Variants in ERBB4 observed in about 807,000 individuals in gnomAD.
ERBB4 encodes the protein erb-b2 receptor tyrosine kinase 4.
ERBB4 carries 42 observed loss-of-function variants against 158.0 expected under a neutral mutation model. The observed-to-expected ratio is 0.27, with a 90% confidence interval of 0.21 to 0.34. The LOEUF is 0.34. Among genes scored for constraint, ERBB4 ranks in the 10% least tolerant of loss-of-function variants. The pLI, the probability that ERBB4 is intolerant of heterozygous loss-of-function variation, is 1.00. For missense variants in ERBB4, 1,333 were observed against 1,624.1 expected (o/e 0.82, Z 3.08); for synonymous variants, 583 against 558.7 (o/e 1.04, Z -0.61).
intron 2 of ERBB4, among the ~76,000 whole-genome samples, chr2:212,115,542 G>A (rs1383694666): frequency 6.6e-6 from 1 of 152,020 alleles, no homozygotes; most frequent in Non-Finnish European, 1.5e-5. Flanking sequence ...TTTGAATAAA[G>A]GTCCTTGCTG....
Position 211,586,827 on chromosome 2 carries a change from T to G in ERBB4, c.2302-24739A>C, listed in dbSNP as rs1400650117. Reference sequence around the variant, plus strand: ...ACACTTCAGTCAGTCTCACCCAGATTGATAAGAAATATCATTTCAAGACTC... The same window carrying G: ...ACACTTCAGTCAGTCTCACCCAGATGGATAAGAAATATCATTTCAAGACTC... On this transcript the variant is annotated intron_variant, in intron 19 of 27. Transcript: ENST00000342788. Among the ~76,000 whole-genome samples, 84 of 152,208 alleles carry G rather than the reference T, an allele frequency of 5.5e-4. 1 individual carries two copies. The highest frequency in any genetic ancestry group is 1.0e-4 in the Non-Finnish European group (7 of 68,032).
At chr2:212,451,534 C>T (rs1560362327) in intron 1 of ERBB4, among the ~76,000 whole-genome samples, 1 of 152,092 alleles carries the variant, frequency 6.6e-6, no homozygotes, top group Admixed American at 6.6e-5. Flanking sequence ...CAGTAAGTTG[C>T]TGTGGATTAA....
At chr2:211,997,247 A>G (rs2082221567) in intron 2 of ERBB4, among the ~76,000 whole-genome samples, 1 of 152,122 alleles carries the variant, frequency 6.6e-6, no homozygotes, top group African/African-American at 2.4e-5. Flanking sequence ...AATTCATAGG[A>G]AGCATCAGGA....
At chr2:211,986,054 T>C (rs910813401) in intron 2 of ERBB4, among the ~76,000 whole-genome samples, 4 of 152,192 alleles carry the variant, frequency 2.6e-5, no homozygotes, top group African/African-American at 4.8e-5. Context: ...AAAACAGATC[T>C]GCAGAGACAA....
At chr2:211,602,982 A>G (rs907833916) in intron 19 of ERBB4, among the ~76,000 whole-genome samples, 21 of 152,096 alleles carry the variant, frequency 1.4e-4, no homozygotes, top group African/African-American at 4.1e-4. Flanking sequence ...TAATTCCAGC[A>G]CTTTGGGAGG....
At chr2:211,526,836 T>G (rs546183021) in intron 20 of ERBB4, among the ~76,000 whole-genome samples, 1 of 152,106 alleles carries the variant, frequency 6.6e-6, no homozygotes, top group African/African-American at 2.4e-5. Context: ...ATAGCAGAAC[T>G]AATCAAGCAG....
intron 2 of ERBB4, among the ~76,000 whole-genome samples, chr2:212,093,640 T>C (rs1032027323): frequency 6.6e-6 from 1 of 152,236 alleles, no homozygotes; most frequent in African/African-American, 2.4e-5. Context: ...TTATCCAACA[T>C]TGTCGTATTT....
chr2:211,629,555 T>A (rs2070015637), intron 17 of ERBB4, among the ~76,000 whole-genome samples: 2 of 152,106 alleles, frequency 1.3e-5, no homozygotes, highest in South Asian at 4.1e-4. Context: ...ACTTTAAAAT[T>A]CATATGGAAC....
At chr2:211,927,634 A>T (rs1305244984) in intron 3 of ERBB4, among the ~76,000 whole-genome samples, 2 of 152,314 alleles carry the variant, frequency 1.3e-5, no homozygotes, top group Non-Finnish European at 1.5e-5. Flanking sequence ...CATATGCTTT[A>T]AACTTTGGGA....
intron 1 of ERBB4, among the ~76,000 whole-genome samples, chr2:212,478,720 T>C (rs1246773161): frequency 3.9e-5 from 6 of 152,072 alleles, no homozygotes; most frequent in Non-Finnish European, 5.9e-5. Context: ...CCACTGTCTC[T>C]CTTATTAATA....
chr2:211,856,655 G>A (rs112814931), intron 3 of ERBB4, among the ~76,000 whole-genome samples: 2,288 of 152,192 alleles, frequency 0.015, 63 homozygotes, highest in African/African-American at 0.052. Context: ...CCAAAGTGCA[G>A]GGATTACAGG....
intron 1 of ERBB4, among the ~76,000 whole-genome samples, chr2:212,271,306 A>G (rs1250291549): frequency 6.6e-6 from 1 of 151,880 alleles, no homozygotes; most frequent in African/African-American, 2.4e-5. Context: ...TATTACTTCA[A>G]CGTCTTACCA....
At chr2:212,371,250 T>C (rs2090075078) in intron 1 of ERBB4, among the ~76,000 whole-genome samples, 1 of 152,194 alleles carries the variant, frequency 6.6e-6, no homozygotes, top group African/African-American at 2.4e-5. Flanking sequence ...CATAGTACTT[T>C]CATATTTAAG....
At chr2:212,244,546 G>A (rs1019880985) in intron 1 of ERBB4, among the ~76,000 whole-genome samples, 2 of 151,986 alleles carry the variant, frequency 1.3e-5, no homozygotes, top group Non-Finnish European at 2.9e-5. Flanking sequence ...TTATATTTTC[G>A]AGCACTTATA....
In ERBB4 at chr2:211,947,541, T is replaced by C. The variant is rs1351254871; in HGVS notation, c.310A>G (p.Ile104Val). 2 of 1,613,728 alleles carry C rather than the reference T, an allele frequency of 1.2e-6. No individual in the cohort carries two copies. Among genetic ancestry groups the C allele is most frequent in the African/African-American group, 1.3e-5 (1 of 74,910 alleles). Residue 104 changes from isoleucine (I) to valine (V), a missense_variant, in exon 3 of 28, where the codon ATT (isoleucine) becomes GTT (valine). Coordinates refer to ENST00000342788, the MANE Select transcript of ERBB4 (RefSeq NM_005235.3). ...TCATAAAGTTTTGTCCCACGAATAA[T>C]GCGTAAATTCTCCAGAGGCAGGTAA... ...FRYLPLENLR[I>V]IRGTKLYEDR... is the part of the protein sequence containing the mutation.
intron 1 of ERBB4, among the ~76,000 whole-genome samples, chr2:212,335,047 T>TA: frequency 6.6e-6 from 1 of 152,108 alleles, no homozygotes; most frequent in East Asian, 1.9e-4. Context: ...TACCAGTTTT[T>TA]ACCATTACAT....
At chr2:212,088,838 T>C (rs1521552) in intron 2 of ERBB4, among the ~76,000 whole-genome samples, 148,342 of 152,222 alleles carry the variant, frequency 0.97, 72,383 homozygotes, top group East Asian at 1. Context: ...ATTCATACAA[T>C]GGACATGTGT....
At chr2:212,022,211 G>A (rs916548764) in intron 2 of ERBB4, among the ~76,000 whole-genome samples, 21 of 151,982 alleles carry the variant, frequency 1.4e-4, no homozygotes, top group African/African-American at 4.6e-4. Context: ...TAAATCATTC[G>A]ATTATAAAGA....
In ERBB4 at chr2:212,174,865, T is replaced by G. The variant is rs142909040; in HGVS notation, c.83-49962A>C. 2.1e-3 allele frequency among the ~76,000 whole-genome samples: 324 copies of G among 152,156 alleles called. 3 individuals carry two copies. Among genetic ancestry groups the G allele is most frequent in the African/African-American group, 7.5e-3 (313 of 41,540 alleles). On this transcript the variant is annotated intron_variant, in intron 1 of 27. Transcript: ENST00000342788. ...TGACTAAGGATAAATTAAAAAATCA[T>G]GGCATTGCATACACAATTTTATAAT...
Sources: gnomAD v4.1 joint callset for allele counts (sites outside exome capture counted in the v4.1 genomes callset) on GRCh38, gnomAD v4.1.1 for gene constraint, MANE v1.5 for transcripts, NCBI Gene and HGNC (gene_info 2026-07-23, HGNC 2026-07-21) for gene names.